The following UNC13C variants were observed in gnomAD, a reference collection of about 807,000 sequenced individuals.
UNC13C encodes the protein unc-13 homolog C.
A neutral mutation model predicts 245.4 loss-of-function variants in UNC13C; 174 were observed. That is an observed-to-expected ratio of 0.71 (90% CI 0.63 to 0.80). The LOEUF (loss-of-function observed/expected upper bound fraction) is 0.80. Among genes scored for constraint, UNC13C ranks in the 30% least tolerant of loss-of-function variants. The probability of loss-of-function intolerance (pLI) is 0.00; values close to 1 mark genes in which losing one functional copy is unlikely to be tolerated. For missense variants in UNC13C, 2,829 were observed against 2,602.9 expected (o/e 1.09, Z -1.89); for synonymous variants, 992 against 895.1 (o/e 1.11, Z -1.93).
the UNC13C span, among the ~76,000 whole-genome samples, chr15:53,888,183 G>C: frequency 6.6e-6 from 1 of 152,120 alleles, no homozygotes; most frequent in Non-Finnish European, 1.5e-5. Context: ...GTGTAAAAGT[G>C]TTCCTATTTC....
chr15:54,515,786 A>T (rs964752437), intron 24 of UNC13C, among the ~76,000 whole-genome samples: 36 of 152,152 alleles, frequency 2.4e-4, no homozygotes, highest in African/African-American at 8.7e-4. Context: ...TGTTCAGCTA[A>T]ATTATTTTCA....
chr15:54,445,538 G>A (rs1346145667), intron 19 of UNC13C, among the ~76,000 whole-genome samples: 2 of 152,024 alleles, frequency 1.3e-5, no homozygotes, highest in African/African-American at 4.8e-5. Context: ...GCATTTCTCT[G>A]ATGGCCAGTG....
rs1379928764 is a variant in UNC13C at position 54,102,970 on chromosome 15, G to A, written c.2984-40048G>A. ...GCATCTTGCTGGAAGCCTGTTGGTG[G>A]CTGTCGTAGGTTAATACTTCTAGTC... On this transcript the variant is annotated intron_variant, in intron 2 of 32. Transcript: ENST00000260323. 2.0e-5 allele frequency among the ~76,000 whole-genome samples: 3 copies of A among 152,208 alleles called. No individual in the cohort carries two copies. The South Asian group carries it at 6.2e-4, about 31-fold the overall frequency.
chr15:53,865,034 A>G, the UNC13C span, among the ~76,000 whole-genome samples: 1 of 152,240 alleles, frequency 6.6e-6, no homozygotes, highest in South Asian at 2.1e-4. Flanking sequence ...TTTTAGGCAG[A>G]GAGAAAAGAA....
At chr15:53,902,422 G>GA in the UNC13C span, among the ~76,000 whole-genome samples, 248 of 152,148 alleles carry the variant, frequency 1.6e-3, 1 homozygote, top group African/African-American at 5.1e-3. Flanking sequence ...TAAGTGTACT[G>GA]AAAAAAGGAA....
At chr15:54,098,341 A>G (rs886453141) in intron 2 of UNC13C, among the ~76,000 whole-genome samples, 1 of 151,964 alleles carries the variant, frequency 6.6e-6, no homozygotes, top group African/African-American at 2.4e-5. Flanking sequence ...CGCCTGGCTA[A>G]TTTTTGTATT....
intron 19 of UNC13C, among the ~76,000 whole-genome samples, chr15:54,444,554 G>C (rs1890701566): frequency 6.6e-6 from 1 of 151,470 alleles, no homozygotes; most frequent in Non-Finnish European, 1.5e-5. Flanking sequence ...ATGAGATTTT[G>C]TTCCTGGTAT....
intron 4 of UNC13C, among the ~76,000 whole-genome samples, chr15:54,155,585 C>T (rs5010140): frequency 0.55 from 42,017 of 76,528 alleles, 5,902 homozygotes; most frequent in South Asian, 0.62. Context: ...ATATTTACTT[C>T]CACTTATTTG....
intron 4 of UNC13C, among the ~76,000 whole-genome samples, chr15:54,219,146 T>C (rs1323292796): frequency 6.6e-6 from 1 of 152,050 alleles, no homozygotes; most frequent in Non-Finnish European, 1.5e-5. Context: ...GCCAAGTCAA[T>C]CCTAAGCCAA....
intron 2 of UNC13C, among the ~76,000 whole-genome samples, chr15:54,122,772 T>C (rs1324549139): frequency 6.6e-6 from 1 of 152,040 alleles, no homozygotes; most frequent in Non-Finnish European, 1.5e-5. Flanking sequence ...CACAATGGTG[T>C]TGAGAGCTAT....
Position 54,017,545 on chromosome 15 carries a change from G to T in UNC13C, c.2983+1659G>T, listed in dbSNP as rs12900498. Among the ~76,000 whole-genome samples, 3 of 152,046 alleles carry T rather than the reference G, an allele frequency of 2.0e-5. No homozygotes were observed. In the South Asian group the frequency reaches 6.2e-4, roughly 32 times the overall value. ...TATATATCTGTTGTGACATAATAGA[G>T]AAATGTTTTAATGGCAGTTGGTTAA... On this transcript the variant is annotated intron_variant, in intron 2 of 32. Transcript: ENST00000260323.
chr15:54,321,048 TC>T (rs2038143118), intron 13 of UNC13C: 1 of 467,992 alleles, frequency 2.1e-6, no homozygotes, highest in Non-Finnish European at 4.2e-6. Context: ...AAGTTGTTAT[TC>T]CCCCGAAACC....
chr15:54,160,788 T>G (rs2032942971), intron 4 of UNC13C, among the ~76,000 whole-genome samples: 3 of 152,206 alleles, frequency 2.0e-5, no homozygotes, highest in Admixed American at 1.3e-4. Flanking sequence ...AGCAAATATT[T>G]TTTACATGTT....
chr15:54,049,273 C>T (rs1298619147), intron 2 of UNC13C: 2 of 526,114 alleles, frequency 3.8e-6, no homozygotes, highest in Admixed American at 2.2e-5. Context: ...AATATGTGTT[C>T]TCACTGCAGG....
intron 13 of UNC13C, among the ~76,000 whole-genome samples, chr15:54,305,186 C>T (rs573415246): frequency 4.2e-4 from 64 of 152,174 alleles, no homozygotes; most frequent in Middle Eastern, 6.8e-3. Context: ...ATCAGAATTA[C>T]ATTTATTTTT....
chr15:54,448,370 G>A (rs1404213416), intron 19 of UNC13C, among the ~76,000 whole-genome samples: 1 of 152,116 alleles, frequency 6.6e-6, no homozygotes, highest in Non-Finnish European at 1.5e-5. Context: ...TGTTGACTGT[G>A]GGGTGTTAAA....
the UNC13C span, among the ~76,000 whole-genome samples, chr15:53,891,330 G>A: frequency 0.072 from 11,009 of 152,248 alleles, 481 homozygotes; most frequent in South Asian, 0.19. Flanking sequence ...TGAGAAGAAT[G>A]TCTATTCTGT....
At chr15:54,017,856 A>G (rs1484241683) in intron 2 of UNC13C, among the ~76,000 whole-genome samples, 1 of 152,206 alleles carries the variant, frequency 6.6e-6, no homozygotes, top group Non-Finnish European at 1.5e-5. Context: ...GCCTGGCTAT[A>G]GAGGACTCAG....
chr15:54,320,133 CTT>C (rs1250402877), intron 13 of UNC13C, among the ~76,000 whole-genome samples: 1 of 151,914 alleles, frequency 6.6e-6, no homozygotes, highest in African/African-American at 2.4e-5. Context: ...GTTAAATTGA[CTT>C]ATTAATTCAA....
Sources: gnomAD v4.1 joint callset for allele counts (sites outside exome capture counted in the v4.1 genomes callset) on GRCh38, gnomAD v4.1.1 for gene constraint, MANE v1.5 for transcripts, NCBI Gene and HGNC (gene_info 2026-07-23, HGNC 2026-07-21) for gene names.